The following GRID2 variants were observed in gnomAD, a reference collection of about 807,000 sequenced individuals.
GRID2 encodes glutamate receptor ionotropic, delta-2.
Under a neutral mutation model 114.8 loss-of-function variants are expected in GRID2, and 33 were observed. The observed-to-expected ratio is 0.29, with a 90% CI of 0.22 to 0.38. GRID2 has a LOEUF of 0.38. Among genes scored for constraint, GRID2 ranks in the 10% least tolerant of loss-of-function variants. The pLI is 1.00. For synonymous variants in GRID2, 505 were observed against 449.9 expected (o/e 1.12, Z -1.55); for missense variants, 1,184 against 1,257.7 (o/e 0.94, Z 0.89).
At chr4:93,402,222 T>A (rs1280523427) in intron 9 of GRID2, among the ~76,000 whole-genome samples, 1 of 152,150 alleles carries the variant, frequency 6.6e-6, no homozygotes, top group Non-Finnish European at 1.5e-5. Context: ...AGCACTCAAC[T>A]TGCAGTCAAA....
At chr4:92,652,707 A>G (rs1473069307) in intron 2 of GRID2, among the ~76,000 whole-genome samples, 1 of 139,454 alleles carries the variant, frequency 7.2e-6, no homozygotes, top group Non-Finnish European at 1.6e-5. Context: ...GCGGTGGCTC[A>G]CTCCTGTAAT....
chr4:92,908,354 G>A (rs1041736259), intron 2 of GRID2, among the ~76,000 whole-genome samples: 27 of 151,978 alleles, frequency 1.8e-4, no homozygotes, highest in Non-Finnish European at 4.0e-4. Context: ...GTAACATTAT[G>A]GTAACTGCTG....
At chr4:93,628,832 C>T in intron 14 of GRID2, among the ~76,000 whole-genome samples, 1 of 147,026 alleles carries the variant, frequency 6.8e-6, no homozygotes, top group East Asian at 2.0e-4. Context: ...GTGGTGCGAT[C>T]TCGGCTCACT....
chr4:93,099,867 G>A (rs181108322), intron 3 of GRID2, among the ~76,000 whole-genome samples: 4 of 151,872 alleles, frequency 2.6e-5, no homozygotes, highest in Admixed American at 6.6e-5. Flanking sequence ...CTTGATGTAG[G>A]TTTAATCAAG....
intron 2 of GRID2, among the ~76,000 whole-genome samples, chr4:92,953,455 T>C (rs1578584761): frequency 6.6e-6 from 1 of 152,184 alleles, no homozygotes; most frequent in East Asian, 1.9e-4. Context: ...TTTCTTCAAA[T>C]TGAGCTGAAC....
At chr4:93,165,562 G>A (rs1560944148) in intron 4 of GRID2, among the ~76,000 whole-genome samples, 1 of 152,034 alleles carries the variant, frequency 6.6e-6, no homozygotes, top group Non-Finnish European at 1.5e-5. Context: ...GGAAAACTTG[G>A]TGTGCCTGTT....
intron 1 of GRID2, among the ~76,000 whole-genome samples, chr4:93,801,001 A>G (rs575578579): frequency 6.6e-6 from 1 of 152,328 alleles, no homozygotes. Flanking sequence ...CAATACAACT[A>G]ATAAACTGAA....
At chr4:92,431,845 T>A (rs1732470077) in intron 1 of GRID2, among the ~76,000 whole-genome samples, 3 of 152,244 alleles carry the variant, frequency 2.0e-5, no homozygotes, top group Admixed American at 2.0e-4. Context: ...GTTCACAGTT[T>A]ATGCTTGTTT....
intron 3 of GRID2, among the ~76,000 whole-genome samples, chr4:93,099,275 A>C (rs1350019177): frequency 2.0e-5 from 3 of 151,860 alleles, no homozygotes; most frequent in African/African-American, 4.8e-5. Context: ...TTTTATTATA[A>C]TTCATTATTT....
intron 2 of GRID2, among the ~76,000 whole-genome samples, chr4:93,005,403 C>A (rs556651232): frequency 2.0e-4 from 30 of 152,160 alleles, no homozygotes. Flanking sequence ...TAGTCCACAT[C>A]TTTGTAGTAT....
intron 2 of GRID2, among the ~76,000 whole-genome samples, chr4:92,733,322 A>T (rs1313703760): frequency 1.3e-5 from 2 of 152,098 alleles, no homozygotes; most frequent in East Asian, 3.9e-4. Context: ...GGACCTTTAA[A>T]GCTTTTTCTG....
At chr4:92,886,912 ACCACGACTGGCCCTTACCTTG>A (rs1167555263) in intron 2 of GRID2, among the ~76,000 whole-genome samples, 25 of 152,342 alleles carry the variant, frequency 1.6e-4, no homozygotes, top group African/African-American at 6.0e-4. Flanking sequence ...GGCGTGAGCC[ACCACGACTGGCCCTTACCTTG>A]CTATTATTTT....
chr4:93,704,251 G>T (rs1288632187), intron 14 of GRID2, among the ~76,000 whole-genome samples: 2 of 152,160 alleles, frequency 1.3e-5, no homozygotes, highest in African/African-American at 4.8e-5. Context: ...GGCCAGTGAT[G>T]ATGAGCATTT....
At chr4:92,868,971 A>G (rs780957727) in intron 2 of GRID2, among the ~76,000 whole-genome samples, 3 of 152,174 alleles carry the variant, frequency 2.0e-5, no homozygotes, top group Non-Finnish European at 4.4e-5. Context: ...GTCCCTGTCT[A>G]TGACATCTAA....
In GRID2 at chr4:93,652,784, T is replaced by TAAAA. The variant is rs200098114; in HGVS notation, c.2360+26374_2360+26377dup. 1.0e-3 allele frequency among the ~76,000 whole-genome samples: 86 copies of TAAAA among 86,372 alleles called. 3 individuals carry two copies. The highest frequency in any genetic ancestry group is 2.5e-3 in the African/African-American group (61 of 24,056). 56.7% of individuals were successfully genotyped at this position (86,372 alleles called of 152,430 possible). A position where few individuals can be genotyped will look rare whatever the true frequency, so the allele number is the denominator to read the frequency against. ...GAATGACAGTAAATGCAGTAAATGC[T>TAAAA]AAAAAAAAAAAAAAAAAAAAAAAAA... On this transcript the variant is annotated intron_variant, in intron 14 of 15. Transcript: ENST00000282020.
intron 8 of GRID2, among the ~76,000 whole-genome samples, chr4:93,364,523 G>A (rs1208634321): frequency 1.3e-5 from 2 of 152,026 alleles, no homozygotes; most frequent in East Asian, 1.9e-4. Context: ...TCAGAGTAGA[G>A]TGCAGTGGTG....
intron 2 of GRID2, among the ~76,000 whole-genome samples, chr4:92,970,944 C>G (rs1466624093): frequency 6.6e-6 from 1 of 151,552 alleles, no homozygotes; most frequent in African/African-American, 2.4e-5. Context: ...TATACACACA[C>G]ATTGCATATA....
intron 13 of GRID2, among the ~76,000 whole-genome samples, chr4:93,573,857 C>T (rs1578292681): frequency 6.6e-6 from 1 of 152,098 alleles, no homozygotes; most frequent in East Asian, 1.9e-4. Context: ...TGAGTTGGAA[C>T]CTAATACAAA....
intron 1 of GRID2, among the ~76,000 whole-genome samples, chr4:92,515,550 A>G (rs909271765): frequency 6.6e-6 from 1 of 151,894 alleles, no homozygotes; most frequent in Non-Finnish European, 1.5e-5. Flanking sequence ...CAACCAATCA[A>G]GAAGTCCAGT....
Sources: allele counts gnomAD v4.1 joint callset (sites outside exome capture counted in the v4.1 genomes callset), GRCh38; gene constraint gnomAD v4.1.1; transcripts MANE v1.5; gene names NCBI Gene and HGNC (gene_info 2026-07-23, HGNC 2026-07-21).